The following PTK7 variants were observed in gnomAD, a reference collection of about 807,000 sequenced individuals.
The protein encoded by PTK7 is inactive tyrosine-protein kinase 7.
PTK7 carries 39 observed loss-of-function variants against 116.6 expected under a neutral mutation model. That is an observed-to-expected ratio of 0.33 (90% CI 0.26 to 0.44). PTK7 has a LOEUF of 0.44. Ranked by LOEUF, PTK7 falls within the 20% of genes least tolerant of loss-of-function variation. PTK7 has a pLI of 1.00. For synonymous variants in PTK7, 546 were observed against 563.6 expected (o/e 0.97, Z 0.44); for missense variants, 1,169 against 1,425.6 (o/e 0.82, Z 2.90).
intron 17 of PTK7, among the ~76,000 whole-genome samples, chr6:43,149,976 G>A (rs1409085215): frequency 6.6e-6 from 1 of 152,176 alleles, no homozygotes; most frequent in Admixed American, 6.5e-5. Flanking sequence ...GGAGCCTCAG[G>A]AGGATTTTAA....
intron 1 of PTK7, among the ~76,000 whole-genome samples, chr6:43,121,320 A>G (rs2150416142): frequency 6.6e-6 from 1 of 152,312 alleles, no homozygotes; most frequent in Non-Finnish European, 1.5e-5. Context: ...CCGGAGATGT[A>G]AGAGCTGGCC....
intron 1 of PTK7, among the ~76,000 whole-genome samples, chr6:43,115,721 A>T (rs1398020978): frequency 6.6e-6 from 1 of 151,938 alleles, no homozygotes; most frequent in African/African-American, 2.4e-5. Context: ...AGATTGCTTG[A>T]GGTCAGAAGT....
At chr6:43,112,675 A>T (rs1207318730) in intron 1 of PTK7, among the ~76,000 whole-genome samples, 7 of 151,938 alleles carry the variant, frequency 4.6e-5, no homozygotes, top group African/African-American at 7.3e-5. Flanking sequence ...CAGCCTCCCA[A>T]AGTGCTGGGA....
chr6:43,102,647 A>G (rs1346865917), intron 1 of PTK7, among the ~76,000 whole-genome samples: 3 of 152,110 alleles, frequency 2.0e-5, no homozygotes, highest in Non-Finnish European at 2.9e-5. Context: ...GTGTCACACA[A>G]TTCTCTCAAT....
At chr6:43,114,963 A>G (rs1443166729) in intron 1 of PTK7, among the ~76,000 whole-genome samples, 1 of 151,588 alleles carries the variant, frequency 6.6e-6, no homozygotes, top group African/African-American at 2.4e-5. Flanking sequence ...AGTCACTTGA[A>G]CCTGGGAGGC....
Position 43,143,268 on chromosome 6 carries a change from T to TG in PTK7, c.2048-148dup. ...TTGACCTTGGTGGGGCATGAGGACC[T>TG]GCTGGCCCTTGTTAAAGCCAGTGAA... On this transcript the variant is annotated intron_variant, in intron 13 of 19. Transcript: ENST00000230419. The surrounding 1 kb of genome is among the most constrained non-coding windows in gnomAD (Gnocchi z 4.2). 1.4e-6 allele frequency: 1 copy of TG among 697,574 alleles called. No individual in the cohort carries two copies. Among genetic ancestry groups the TG allele is most frequent in the Non-Finnish European group, 2.4e-6 (1 of 419,392 alleles). 43.2% of individuals were successfully genotyped at this position (697,574 alleles called of 1,614,324 possible). A position where few individuals can be genotyped will look rare whatever the true frequency, so the allele number is the denominator to read the frequency against.
At chr6:43,094,905 C>T (rs907574488) in intron 1 of PTK7, among the ~76,000 whole-genome samples, 40 of 150,630 alleles carry the variant, frequency 2.7e-4, no homozygotes, top group African/African-American at 9.5e-4. Context: ...ATTAGCCAGG[C>T]GTGGTTGTGG....
chr6:43,148,111 C>G (rs532649845), intron 17 of PTK7, among the ~76,000 whole-genome samples: 6 of 151,948 alleles, frequency 3.9e-5, no homozygotes, highest in African/African-American at 7.3e-5. Flanking sequence ...AAAAGTTAAC[C>G]GGGCGTGGGG....
chr6:43,078,781 G>A (rs1364448696), intron 1 of PTK7, among the ~76,000 whole-genome samples: 1 of 152,172 alleles, frequency 6.6e-6, no homozygotes, highest in Non-Finnish European at 1.5e-5. Context: ...TGAAACTATG[G>A]ATTCTTAACC....
At chr6:43,102,227 C>T (rs1352306798) in intron 1 of PTK7, among the ~76,000 whole-genome samples, 1 of 152,090 alleles carries the variant, frequency 6.6e-6, no homozygotes, top group Non-Finnish European at 1.5e-5. Context: ...GAGTTTGAGA[C>T]CAGCCCGACC....
At chr6:43,089,805 C>T (rs538323000) in intron 1 of PTK7, among the ~76,000 whole-genome samples, 1 of 152,288 alleles carries the variant, frequency 6.6e-6, no homozygotes, top group East Asian at 1.9e-4. Context: ...CCCCCCTCCC[C>T]TTTAGCAAAA....
At chr6:43,104,874 G>A (rs962667872) in intron 1 of PTK7, among the ~76,000 whole-genome samples, 6 of 145,576 alleles carry the variant, frequency 4.1e-5, no homozygotes, top group African/African-American at 1.0e-4. Context: ...GTGCAGTGGC[G>A]TGATCTCCGC....
In PTK7 at chr6:43,161,044, C is replaced by A; in HGVS notation, c.*163C>A. 2 of 1,041,108 alleles carry A rather than the reference C, an allele frequency of 1.9e-6. No individual in the cohort carries two copies. The highest frequency in any genetic ancestry group is 2.7e-6 in the Non-Finnish European group (2 of 743,260). The allele number at this position is 1,041,108 out of a possible 1,614,324, so 64.5% of individuals were successfully genotyped here. A position where few individuals can be genotyped will look rare whatever the true frequency, so the allele number is the denominator to read the frequency against. On this transcript the variant is annotated 3_prime_UTR_variant, in exon 20 of 20. Transcript: ENST00000230419. ...CAGGGCCTGGCCTTTCCTCCTCTTC[C>A]TCACCCTCATCCTTTGGGAGGCTGA...
intron 1 of PTK7, among the ~76,000 whole-genome samples, chr6:43,088,690 AAAATAAATAAATAAAT>A (rs57382055): frequency 9.4e-5 from 14 of 149,120 alleles, no homozygotes; most frequent in Non-Finnish European, 1.5e-4. Flanking sequence ...ACGCCATCTC[AAAATAAATAAATAAAT>A]AAATAAATAA....
At chr6:43,098,409 G>A (rs1271002961) in intron 1 of PTK7, among the ~76,000 whole-genome samples, 3 of 151,226 alleles carry the variant, frequency 2.0e-5, no homozygotes, top group Non-Finnish European at 2.9e-5. Context: ...AGGCTGGAGT[G>A]TAGTGGTGCA....
Position 43,132,451 on chromosome 6 carries a change from G to A in PTK7, c.992G>A (p.Arg331Gln), listed in dbSNP as rs753996077. The change falls in exon 7 of 20, where the codon CGG (arginine) becomes CAG (glutamine). Residue 331 changes from arginine (R) to glutamine (Q), a missense_variant. Physicochemically the swap from Arg to Gln is conservative, Grantham distance 43. Around this residue, in one of 3 missense-constraint regions of PTK7, gnomAD observed 487 missense variants for 549.8 expected, o/e 0.89. Coordinates refer to ENST00000230419, the MANE Select transcript of PTK7 (RefSeq NM_002821.5). ...GAAGACATGCCGCTATTTGAGCCACGGGTGTTTACAGCTGGCAGCGAGGAG... is the reference window on the plus strand; with the variant it reads ...GAAGACATGCCGCTATTTGAGCCACAGGTGTTTACAGCTGGCAGCGAGGAG... The part of the protein sequence containing the change: ...EIEDMPLFEP[R>Q]VFTAGSEERV... 2.7e-5 allele frequency: 43 copies of A among 1,589,422 alleles called. No individual in the cohort carries two copies. Among genetic ancestry groups the A allele is most frequent in the South Asian group, 1.8e-4 (16 of 89,212 alleles).
intron 17 of PTK7, among the ~76,000 whole-genome samples, chr6:43,147,102 C>T (rs1770771939): frequency 6.6e-6 from 1 of 152,244 alleles, no homozygotes. Context: ...AGCTGTGGGC[C>T]TGAGCGTGTT....
intron 1 of PTK7, among the ~76,000 whole-genome samples, chr6:43,112,303 C>T (rs1035236493): frequency 6.6e-6 from 1 of 151,818 alleles, no homozygotes; most frequent in African/African-American, 2.4e-5. Context: ...TAGTCTCCCT[C>T]TGTCACCCAG....
At chr6:43,099,123 GAA>G (rs200903328) in intron 1 of PTK7, among the ~76,000 whole-genome samples, 1 of 141,390 alleles carries the variant, frequency 7.1e-6, no homozygotes, top group Non-Finnish European at 1.6e-5. Context: ...AAAAAAAAAG[GAA>G]AAAAAATGTG....
Sources: allele counts gnomAD v4.1 joint callset (sites outside exome capture counted in the v4.1 genomes callset), GRCh38; gene constraint gnomAD v4.1.1; regional missense constraint gnomAD v4.1.1; non-coding constraint Gnocchi (gnomAD v3.1); transcripts MANE v1.5; gene names NCBI Gene and HGNC (gene_info 2026-07-23, HGNC 2026-07-21).